Variants in CREB5 observed in about 807,000 individuals in gnomAD.
The protein encoded by CREB5 is cAMP responsive element binding protein 5.
Under a neutral mutation model 57.1 loss-of-function variants are expected in CREB5, and 19 were observed. The ratio of observed to expected loss-of-function variants is 0.33; its 90% CI spans 0.23 to 0.49. The LOEUF (loss-of-function observed/expected upper bound fraction) is 0.49, where lower values mean the gene tolerates loss of function less well. Among genes scored for constraint, CREB5 ranks in the 20% least tolerant of loss-of-function variants. The probability of loss-of-function intolerance (pLI) is 0.99; values close to 1 mark genes in which losing one functional copy is unlikely to be tolerated. For synonymous variants in CREB5, 238 were observed against 238.3 expected, an observed-to-expected ratio of 1.00 and a Z score of 0.01; for missense variants, 579 against 671.6, an observed-to-expected ratio of 0.86 and a Z score of 1.52.
intron 5 of CREB5, among the ~76,000 whole-genome samples, chr7:28,598,940 C>G (rs147794131): frequency 6.6e-6 from 1 of 152,302 alleles, no homozygotes; most frequent in East Asian, 1.9e-4. Flanking sequence ...TGACTTGCAA[C>G]AGGCAAAATG....
At chr7:28,689,423 G>C (rs760282865) in intron 5 of CREB5, among the ~76,000 whole-genome samples, 134 of 152,170 alleles carry the variant, frequency 8.8e-4, no homozygotes, top group Non-Finnish European at 1.8e-3. Flanking sequence ...AGCCGAGATC[G>C]AGCCACTGTA....
chr7:28,489,092 G>A (rs920060914), intron 2 of CREB5, among the ~76,000 whole-genome samples: 3 of 152,060 alleles, frequency 2.0e-5, no homozygotes, highest in South Asian at 2.1e-4. Flanking sequence ...ATAACTACAC[G>A]TGGTTGCTGT....
chr7:28,373,255 G>T (rs1381658512), intron 1 of CREB5, among the ~76,000 whole-genome samples: 1 of 152,104 alleles, frequency 6.6e-6, no homozygotes, highest in African/African-American at 2.4e-5. Flanking sequence ...AAAAGGCACA[G>T]AGATTTCAGA....
At chr7:28,518,829 T>G (rs1281366301) in intron 4 of CREB5, among the ~76,000 whole-genome samples, 2 of 152,204 alleles carry the variant, frequency 1.3e-5, no homozygotes, top group African/African-American at 4.8e-5. Flanking sequence ...TGGAGTGTGG[T>G]CTGAACTCAG....
At chr7:28,320,548 G>A (rs897251290) in intron 1 of CREB5, among the ~76,000 whole-genome samples, 2 of 152,252 alleles carry the variant, frequency 1.3e-5, no homozygotes, top group East Asian at 3.9e-4. Context: ...ACTGGCCTGT[G>A]TTACATAAAG....
At chr7:28,345,764 A>T (rs1786046289) in intron 1 of CREB5, among the ~76,000 whole-genome samples, 4 of 152,218 alleles carry the variant, frequency 2.6e-5, no homozygotes, top group Admixed American at 2.6e-4. Flanking sequence ...AAGATAGGCC[A>T]GAGGCAGGAA....
At chr7:28,590,264 A>G (rs1025235807) in intron 5 of CREB5, among the ~76,000 whole-genome samples, 19 of 152,090 alleles carry the variant, frequency 1.2e-4, no homozygotes, top group Non-Finnish European at 2.5e-4. Context: ...AACAGCAAAG[A>G]CTTGGAACCA....
chr7:28,778,207 G>A lies in CREB5; in HGVS notation c.703-25992G>A, dbSNP rs1006409189. On this transcript the variant is annotated intron_variant, in intron 7 of 10. Coordinates refer to ENST00000357727, the MANE Select transcript of CREB5 (RefSeq NM_182898.4). ...TGTAGTAACTTGAGCACATCTTTAT[G>A]TAAACATAATTTTCTAGTTGTACTT... Among the ~76,000 whole-genome samples, 5 of 152,210 alleles carry A rather than the reference G, an allele frequency of 3.3e-5. No homozygotes were observed. The South Asian group carries it at 1.0e-3, about 31-fold the overall frequency.
chr7:28,597,479 G>A (rs573682922), intron 5 of CREB5, among the ~76,000 whole-genome samples: 7 of 152,328 alleles, frequency 4.6e-5, no homozygotes, highest in African/African-American at 1.4e-4. Flanking sequence ...CTTGGGGAAT[G>A]TTTGGAGGGA....
chr7:28,517,559 A>G (rs1167289555), intron 4 of CREB5, among the ~76,000 whole-genome samples: 1 of 152,028 alleles, frequency 6.6e-6, no homozygotes, highest in Non-Finnish European at 1.5e-5. Flanking sequence ...CAAACGGTGG[A>G]TTTTCCCCCC....
intron 1 of CREB5, among the ~76,000 whole-genome samples, chr7:28,474,840 T>G (rs1377952628): frequency 6.6e-6 from 1 of 152,148 alleles, no homozygotes; most frequent in Non-Finnish European, 1.5e-5. Context: ...ACAGAGGCAC[T>G]TAGTGGAGGA....
chr7:28,809,227 T>C lies in CREB5; in HGVS notation c.1067T>C (p.Ile356Thr). The C allele has an allele frequency of 6.2e-7, 1 of 1,613,846 alleles. No homozygotes were observed. The highest frequency in any genetic ancestry group is 8.5e-7 in the Non-Finnish European group (1 of 1,179,956). ...CAACAGATGCAGCCAACCCAGACAA[T>C]ACAGCCACCCCAGCCCACAGGGGGG... Reference protein sequence around the residue: ...ATQQMQPTQTIQPPQPTGGRR... With the variant: ...ATQQMQPTQTTQPPQPTGGRR... Residue 356 changes from isoleucine to threonine, a missense_variant, in exon 9 of 11, where the codon ATA becomes ACA. This residue lies in a region of CREB5 where 459 missense variants were observed against 515.7 expected (regional missense o/e 0.89). Coordinates refer to ENST00000357727, the MANE Select transcript of CREB5 (RefSeq NM_182898.4).
chr7:28,449,338 A>T (rs796384829), intron 1 of CREB5, among the ~76,000 whole-genome samples: 5 of 152,350 alleles, frequency 3.3e-5, no homozygotes, highest in African/African-American at 1.2e-4. Flanking sequence ...GATTCAGCTC[A>T]GTTGTCCTGT....
At chr7:28,468,950 C>T (rs367640709) in intron 1 of CREB5, among the ~76,000 whole-genome samples, 5 of 152,330 alleles carry the variant, frequency 3.3e-5, no homozygotes, top group South Asian at 4.1e-4. Flanking sequence ...CAAAATCCCA[C>T]GCTCTCGACT....
chr7:28,410,024 C>T (rs886702944), upstream of CREB5: 13 of 449,050 alleles, frequency 2.9e-5, no homozygotes, highest in South Asian at 4.7e-5. Flanking sequence ...AGTTTGCAAA[C>T]TTCCAGCGGG....
chr7:28,403,513 A>G (rs1787517117), intron 1 of CREB5, among the ~76,000 whole-genome samples: 1 of 152,202 alleles, frequency 6.6e-6, no homozygotes, highest in Admixed American at 6.5e-5. Flanking sequence ...GCAGTATCCT[A>G]GGAGATAGAT....
chr7:28,388,466 G>A (rs2127997339), intron 1 of CREB5, among the ~76,000 whole-genome samples: 1 of 152,266 alleles, frequency 6.6e-6, no homozygotes, highest in South Asian at 2.1e-4. Context: ...CTACAGGGCA[G>A]CCATAGATTC....
intron 4 of CREB5, among the ~76,000 whole-genome samples, chr7:28,527,782 C>T (rs150606): frequency 0.83 from 126,254 of 152,156 alleles, 52,432 homozygotes; most frequent in Admixed American, 0.86. Context: ...TGCATCATTG[C>T]ACTCCAGCCT....
intron 1 of CREB5, among the ~76,000 whole-genome samples, chr7:28,415,745 T>C (rs1787999270): frequency 6.6e-6 from 1 of 152,228 alleles, no homozygotes. Flanking sequence ...TGACTTTCTC[T>C]ACTACCTGTC....
Sources: gnomAD v4.1 joint callset for allele counts (sites outside exome capture counted in the v4.1 genomes callset) on GRCh38, gnomAD v4.1.1 for gene constraint, gnomAD v4.1.1 regional missense constraint, MANE v1.5 for transcripts, NCBI Gene and HGNC (gene_info 2026-07-23, HGNC 2026-07-21) for gene names.